The following TPD52 variants were observed in gnomAD, a reference collection of about 807,000 sequenced individuals.
The protein encoded by TPD52 is prostate and colon associated protein.
In TPD52, 17 loss-of-function variants were observed where a neutral mutation model predicts 31.3. That is an observed-to-expected ratio of 0.54 (90% CI 0.37 to 0.82). TPD52 has a LOEUF of 0.82. TPD52 is among the 40% of genes least tolerant of loss of function. TPD52 has a pLI of 0.00. For synonymous variants in TPD52, 83 were observed against 89.6 expected (o/e 0.93, Z 0.42); for missense variants, 212 against 240.1 (o/e 0.88, Z 0.77).
chr8:80,031,678 A>C (rs111697171), downstream of TPD52, among the ~76,000 whole-genome samples: 86 of 152,156 alleles, frequency 5.7e-4, no homozygotes, highest in Middle Eastern at 0.014. Flanking sequence ...GGCCATAGCA[A>C]GAACCAGTCT....
At chr8:80,159,263 C>T (rs1811197590) in intron 1 of TPD52, among the ~76,000 whole-genome samples, 1 of 152,072 alleles carries the variant, frequency 6.6e-6, no homozygotes, top group African/African-American at 2.4e-5. Flanking sequence ...AATGATGAAG[C>T]CAAATTTTGA....
At chr8:80,061,730 G>T (rs1812579215) in intron 2 of TPD52, among the ~76,000 whole-genome samples, 1 of 151,716 alleles carries the variant, frequency 6.6e-6, no homozygotes, top group Non-Finnish European at 1.5e-5. Context: ...CAACAAAGCT[G>T]CAAAATATAA....
chr8:80,088,352 AAAGC>A (rs1436160076), intron 1 of TPD52, among the ~76,000 whole-genome samples: 2 of 152,208 alleles, frequency 1.3e-5, no homozygotes, highest in Admixed American at 6.5e-5. Context: ...TCGTCAGATT[AAAGC>A]AACAATTCTT....
At chr8:80,118,648 T>C (rs763011365) in intron 1 of TPD52, among the ~76,000 whole-genome samples, 1 of 152,196 alleles carries the variant, frequency 6.6e-6, no homozygotes, top group Non-Finnish European at 1.5e-5. Flanking sequence ...AAAGAAGACA[T>C]ACACATGGTC....
intron 5 of TPD52, among the ~76,000 whole-genome samples, chr8:80,044,493 G>T (rs1381176469): frequency 6.6e-6 from 1 of 152,154 alleles, no homozygotes; most frequent in Non-Finnish European, 1.5e-5. Flanking sequence ...AGGCATATAG[G>T]TGTTAAATGA....
chr8:80,165,874 C>G (rs1811676553), intron 1 of TPD52, among the ~76,000 whole-genome samples: 1 of 129,632 alleles, frequency 7.7e-6, no homozygotes, highest in Non-Finnish European at 1.7e-5. Flanking sequence ...TAGGCCTCGC[C>G]AGAAACCCTA....
intron 2 of TPD52, among the ~76,000 whole-genome samples, chr8:80,057,640 G>T (rs1011902300): frequency 6.6e-6 from 1 of 152,130 alleles, no homozygotes; most frequent in Non-Finnish European, 1.5e-5. Context: ...ACACAAAGAT[G>T]GGAACACTAA....
intron 1 of TPD52, among the ~76,000 whole-genome samples, chr8:80,110,361 G>A (rs560577377): frequency 6.6e-6 from 1 of 151,850 alleles, no homozygotes; most frequent in South Asian, 2.1e-4. Flanking sequence ...GAAAAAAAAT[G>A]AGATTGACAA....
intron 3 of TPD52, chr8:80,052,642 C>T (rs1036454670): frequency 7.8e-7 from 1 of 1,288,990 alleles, no homozygotes; most frequent in Non-Finnish European, 1.0e-6. Context: ...GAAGACAGAG[C>T]AGTTCGGTTT....
intron 7 of TPD52, among the ~76,000 whole-genome samples, chr8:80,038,508 T>C (rs575145303): frequency 2.6e-5 from 4 of 152,346 alleles, no homozygotes; most frequent in African/African-American, 9.6e-5. Context: ...GAAGTCTGTC[T>C]AGAAAACTTT....
Position 80,051,564 on chromosome 8 carries a change from CAGACGAAAA to C in TPD52, c.340_348del (p.Phe114_Ser116del). The C allele has an allele frequency of 6.2e-7, 1 of 1,613,524 alleles. No individual in the cohort carries two copies. Among genetic ancestry groups the C allele is most frequent in the Non-Finnish European group, 8.5e-7 (1 of 1,179,710 alleles). ...AGCTTTTTGGTGATGACTGAGCCAA[CAGACGAAAA>C]AGCAGCTGAGGCCTTCTGTCCAGCC... On this transcript the variant is annotated inframe_deletion, in exon 4 of 8. Transcript: ENST00000518937.
At chr8:80,046,956 G>A (rs1810923971) in intron 5 of TPD52, among the ~76,000 whole-genome samples, 1 of 152,194 alleles carries the variant, frequency 6.6e-6, no homozygotes, top group Non-Finnish European at 1.5e-5. Flanking sequence ...AGCAGCGGGA[G>A]GAGGAGAAGG....
intron 6 of TPD52, among the ~76,000 whole-genome samples, chr8:80,043,474 G>C (rs2130415891): frequency 6.6e-6 from 1 of 152,252 alleles, no homozygotes; most frequent in Admixed American, 6.5e-5. Context: ...GGTGATGGCA[G>C]AACAGTTAAG....
intron 1 of TPD52, among the ~76,000 whole-genome samples, chr8:80,105,915 A>G (rs926943219): frequency 6.6e-6 from 1 of 151,944 alleles, no homozygotes; most frequent in Non-Finnish European, 1.5e-5. Flanking sequence ...TATTTTTAGT[A>G]GAGGTGGGGT....
rs1178436305 is a variant in TPD52 at position 80,036,879 on chromosome 8, G to A, written c.*1237C>T. ...ATAAATAACAAATACAACATTGTAGGCCATAATCATATACAGTATAAGGAA... is the reference window on the plus strand; with the variant it reads ...ATAAATAACAAATACAACATTGTAGACCATAATCATATACAGTATAAGGAA... On this transcript the variant is annotated 3_prime_UTR_variant, in exon 8 of 8. Transcript: ENST00000518937. 1.3e-5 allele frequency: 2 copies of A among 152,254 alleles called. No individual in the cohort carries two copies. Among genetic ancestry groups the A allele is most frequent in the Non-Finnish European group, 2.9e-5 (2 of 68,000 alleles). The allele number at this position is 152,254 out of a possible 1,614,324, so 9.4% of individuals were successfully genotyped here.
rs181558142 is a variant in TPD52 at position 80,146,108 on chromosome 8, C to T, written c.19+25317G>A. On this transcript the variant is annotated intron_variant, in intron 1 of 7. Transcript: ENST00000518937. ...CACACATCACTGTGCAGAACAGAAA[C>T]AGGACAAACTGGTTTAGAAGGCAGA... Among the ~76,000 whole-genome samples, 27 of 152,278 alleles carry T rather than the reference C, an allele frequency of 1.8e-4. No individual in the cohort carries two copies. The East Asian group carries it at 4.2e-3, about 24-fold the overall frequency.
At chr8:80,108,864 T>A (rs1224303168) in intron 1 of TPD52, among the ~76,000 whole-genome samples, 1 of 152,260 alleles carries the variant, frequency 6.6e-6, no homozygotes, top group Non-Finnish European at 1.5e-5. Flanking sequence ...TGGAAAAGTA[T>A]ACTTTTGTGA....
At chr8:80,106,792 G>C (rs1226592985) in intron 1 of TPD52, among the ~76,000 whole-genome samples, 2 of 149,782 alleles carry the variant, frequency 1.3e-5, no homozygotes, top group African/African-American at 4.9e-5. Context: ...GTGGCCATGA[G>C]ACCCAATTTG....
intron 1 of TPD52, among the ~76,000 whole-genome samples, chr8:80,151,679 G>GTA: frequency 6.6e-6 from 1 of 152,286 alleles, no homozygotes; most frequent in East Asian, 1.9e-4. Context: ...GAAGTAACTT[G>GTA]TTGTTAACCA....
Sources: gnomAD v4.1 joint callset for allele counts (sites outside exome capture counted in the v4.1 genomes callset) on GRCh38, gnomAD v4.1.1 for gene constraint, MANE v1.5 for transcripts, NCBI Gene and HGNC (gene_info 2026-07-23, HGNC 2026-07-21) for gene names.